Variants in KLC1 observed in about 807,000 individuals in gnomAD.
KLC1 encodes kinesin light chain 1, also known as kinesin 2 60/70kDa.
Under a neutral mutation model 84.2 loss-of-function variants are expected in KLC1, and 30 were observed. The observed-to-expected ratio is 0.36, with a 90% CI of 0.27 to 0.48. The LOEUF is 0.48. Ranked by LOEUF, KLC1 falls within the 20% of genes least tolerant of loss-of-function variation. KLC1 has a pLI of 0.99. For missense variants in KLC1, 499 were observed against 805.4 expected, an observed-to-expected ratio of 0.62 and a Z score of 4.60; for synonymous variants, 289 against 293.3, an observed-to-expected ratio of 0.99 and a Z score of 0.15.
chr14:103,697,058 T>C, intron 15 of KLC1: 1 of 985,476 alleles, frequency 1.0e-6, no homozygotes, highest in Non-Finnish European at 1.2e-6. Context: ...CTTTAAGCTG[T>C]CTCATTTTCT....
intron 1 of KLC1, among the ~76,000 whole-genome samples, chr14:103,638,657 T>TTTA (rs2077237768): frequency 5.0e-4 from 1 of 2,010 alleles, no homozygotes; most frequent in Non-Finnish European, 1.3e-3. Flanking sequence ...ATTTCATTAA[T>TTTA]TTTTTTTTTT....
In KLC1 at chr14:103,701,372, C is replaced by T. The variant is rs2083184836; in HGVS notation, c.*173C>T. 8.9e-6 allele frequency: 6 copies of T among 671,684 alleles called. No homozygotes were observed. Among genetic ancestry groups the T allele is most frequent in the Non-Finnish European group, 1.4e-5 (6 of 416,760 alleles). 41.6% of individuals were successfully genotyped at this position (671,684 alleles called of 1,614,324 possible). ...ACTAATAACCACACGGCTGGCGTGA[C>T]CTTGGGGCTGGGGCTGGGCCTAAGC... On this transcript the variant is annotated 3_prime_UTR_variant, in exon 17 of 17. Transcript: ENST00000334553.
chr14:103,662,615 AAAGT>A, intron 4 of KLC1, 83 bp from the exon 5 acceptor site: 1 of 1,116,476 alleles, frequency 9.0e-7, no homozygotes, highest in South Asian at 1.5e-5. Context: ...AACTTGAACC[AAAGT>A]TAGTAAAGAT....
In KLC1 at chr14:103,654,103, C is replaced by A. The variant is rs374742288; in HGVS notation, c.-1-461C>A. Among the ~76,000 whole-genome samples the A allele has an allele frequency of 9.3e-4, 142 of 152,314 alleles. 1 individual carries two copies. The highest frequency in any genetic ancestry group is 3.4e-3 in the Middle Eastern group (1 of 294). On this transcript the variant is annotated intron_variant, in intron 1 of 16. Transcript: ENST00000334553. ...GGTCTGCTCCTCCCCTGCTGCTCTT[C>A]CTGTTCCATGTTCTTTGGCTGGTTT...
intron 4 of KLC1, 106 bp from the exon 5 acceptor site, chr14:103,662,596 C>A (rs2079389649): frequency 3.5e-6 from 3 of 860,870 alleles, no homozygotes; most frequent in African/African-American, 3.4e-5. Flanking sequence ...GCACTGGGGG[C>A]CAAGTACTAA....
chr14:103,656,169 T>A (rs774118887), intron 2 of KLC1, among the ~76,000 whole-genome samples: 1 of 152,124 alleles, frequency 6.6e-6, no homozygotes, highest in Non-Finnish European at 1.5e-5. Context: ...TGATGATGTG[T>A]ACAGCAGTGC....
chr14:103,699,428 G>A, intron 15 of KLC1: 2 of 1,612,810 alleles, frequency 1.2e-6, no homozygotes, highest in South Asian at 2.2e-5. Flanking sequence ...GGCCCCCAGG[G>A]ACTGCAGATG....
chr14:103,670,589 C>T (rs1055100634), intron 7 of KLC1, among the ~76,000 whole-genome samples: 2 of 151,416 alleles, frequency 1.3e-5, no homozygotes, highest in Non-Finnish European at 2.9e-5. Context: ...CCCGCCTTGG[C>T]CTCCCAAAGT....
chr14:103,692,392 C>T lies in KLC1; in HGVS notation c.1815C>T (p.Asn605=), dbSNP rs550258991. Residue 605 remains asparagine (N), a synonymous_variant, in exon 15 of 17, where the codon AAC becomes AAT. Transcript: ENST00000334553. ...GTGCCAGCTCTCTGAATGTCCTTAA[C>T]GTGGGTGGCAAGGCTGCTGAAGATC... is the stretch of plus-strand genomic sequence containing the variant. ...MKRASSLNVL[N]VGGKAAEDRF... is the part of the protein sequence containing the mutation. 10 of 1,536,662 alleles carry T rather than the reference C, an allele frequency of 6.5e-6. No individual in the cohort carries two copies. The highest frequency in any genetic ancestry group is 1.4e-5 in the African/African-American group (1 of 73,158).
chr14:103,699,355 G>A (rs959531828), intron 15 of KLC1: 1 of 1,596,294 alleles, frequency 6.3e-7, no homozygotes. Context: ...ACCCTGCCTT[G>A]GTGCTCACCT....
intron 1 of KLC1, among the ~76,000 whole-genome samples, chr14:103,631,683 C>T (rs764167135): frequency 1.3e-5 from 2 of 152,052 alleles, no homozygotes; most frequent in Admixed American, 1.3e-4. Flanking sequence ...CTGCAACCTC[C>T]GCCTCCCAGG....
intron 1 of KLC1, among the ~76,000 whole-genome samples, chr14:103,634,666 A>G (rs2076923283): frequency 6.6e-6 from 1 of 152,076 alleles, no homozygotes; most frequent in Admixed American, 6.6e-5. Context: ...TTGGCTAAGA[A>G]GTCAGTGATG....
At chr14:103,683,148 C>T (rs1413934934) in intron 13 of KLC1, 1 of 152,084 alleles carries the variant, frequency 6.6e-6, no homozygotes, top group Non-Finnish European at 1.5e-5. Context: ...ATAATCGTCC[C>T]CTGTGGGCCC....
In KLC1 at chr14:103,659,414, G is replaced by C. The variant is rs150525089; in HGVS notation, c.492+1638G>C. On this transcript the variant is annotated intron_variant, in intron 3 of 16. Transcript: ENST00000334553. ...AGTTGAAAAGTTAGAGAAGAAAATTGATGTGCCCATAACCCAGTCTCCCCT... is the reference window on the plus strand; with the variant it reads ...AGTTGAAAAGTTAGAGAAGAAAATTCATGTGCCCATAACCCAGTCTCCCCT... 9.3e-4 allele frequency among the ~76,000 whole-genome samples: 142 copies of C among 152,248 alleles called. 3 individuals carry two copies. The East Asian group carries it at 0.02, about 22-fold the overall frequency.
chr14:103,675,372 C>T (rs1263093230), intron 9 of KLC1, among the ~76,000 whole-genome samples, 180 bp from the exon 10 acceptor site: 1 of 152,168 alleles, frequency 6.6e-6, no homozygotes. Context: ...GTTTACTTAG[C>T]AGGCTCTGTT....
chr14:103,642,836 C>T (rs1196374072), intron 1 of KLC1, among the ~76,000 whole-genome samples: 5 of 148,894 alleles, frequency 3.4e-5, no homozygotes, highest in African/African-American at 7.4e-5. Flanking sequence ...GGCGTGATCT[C>T]GGCTCACTGC....
intron 11 of KLC1, 125 bp downstream of exon 11, chr14:103,675,881 C>T: frequency 1.4e-6 from 1 of 730,994 alleles, no homozygotes; most frequent in Non-Finnish European, 2.3e-6. Context: ...CATGTTTTTC[C>T]CGAATTCCAA....
At chr14:103,679,669 T>G (rs1398701365) in intron 13 of KLC1, 124 bp downstream of exon 13, 1 of 666,036 alleles carries the variant, frequency 1.5e-6, no homozygotes, top group South Asian at 2.0e-5. Flanking sequence ...AATTAAGCTT[T>G]CTGTAAGTTC....
intron 7 of KLC1, among the ~76,000 whole-genome samples, chr14:103,671,157 GA>G (rs2080353293): frequency 6.6e-6 from 1 of 152,034 alleles, no homozygotes; most frequent in South Asian, 2.1e-4. Flanking sequence ...TTATGAAGCT[GA>G]AAAATGAAAT....
Sources: allele counts gnomAD v4.1 joint callset (sites outside exome capture counted in the v4.1 genomes callset), GRCh38; gene constraint gnomAD v4.1.1; transcripts MANE v1.5; gene names NCBI Gene and HGNC (gene_info 2026-07-23, HGNC 2026-07-21).